Variants in KIF26B observed in about 807,000 individuals in gnomAD.
KIF26B encodes the protein kinesin-like protein KIF26B.
KIF26B carries 63 observed loss-of-function variants against 151.2 expected under a neutral mutation model. That is an observed-to-expected ratio of 0.42 (90% CI 0.34 to 0.51). KIF26B has a LOEUF of 0.51. Ranked by LOEUF, KIF26B falls within the 20% of genes least tolerant of loss-of-function variation. The pLI is 0.07. For missense variants in KIF26B, 2,813 were observed against 2,913.6 expected (o/e 0.97, Z 0.79); for synonymous variants, 1,357 against 1,262.1 (o/e 1.08, Z -1.59).
intron 2 of KIF26B, among the ~76,000 whole-genome samples, chr1:245,220,501 G>A (rs1418639304): frequency 6.6e-6 from 1 of 152,088 alleles, no homozygotes; most frequent in Non-Finnish European, 1.5e-5. Flanking sequence ...TCTTGCTTTG[G>A]GTTTGGGAAG....
intron 2 of KIF26B, among the ~76,000 whole-genome samples, chr1:245,177,890 C>A (rs1015019631): frequency 1.3e-5 from 2 of 151,926 alleles, no homozygotes; most frequent in East Asian, 3.9e-4. Flanking sequence ...ACTCAGTCAG[C>A]GGGGATTAGG....
At chr1:245,672,372 C>G (rs2044298972) in intron 10 of KIF26B, among the ~76,000 whole-genome samples, 1 of 152,208 alleles carries the variant, frequency 6.6e-6, no homozygotes, top group Non-Finnish European at 1.5e-5. Flanking sequence ...GGCACAGGGA[C>G]AGACGTGCGC....
At chr1:245,200,323 A>G (rs181721181) in intron 2 of KIF26B, among the ~76,000 whole-genome samples, 1 of 152,346 alleles carries the variant, frequency 6.6e-6, no homozygotes, top group East Asian at 1.9e-4. Context: ...AGTCTGGTTC[A>G]TCTTGTCTAG....
At chr1:245,625,154 A>G (rs954352115) in intron 9 of KIF26B, among the ~76,000 whole-genome samples, 1 of 152,116 alleles carries the variant, frequency 6.6e-6, no homozygotes, top group African/African-American at 2.4e-5. Context: ...CACTGTTTTG[A>G]TTATGGTGGA....
At chr1:245,413,631 C>G (rs191659992) in intron 3 of KIF26B, among the ~76,000 whole-genome samples, 2 of 152,166 alleles carry the variant, frequency 1.3e-5, no homozygotes, top group African/African-American at 4.8e-5. Flanking sequence ...CCACTGCACT[C>G]CAGCCTGGGT....
At chr1:245,307,240 G>A (rs1464508530) in intron 2 of KIF26B, among the ~76,000 whole-genome samples, 1 of 152,180 alleles carries the variant, frequency 6.6e-6, no homozygotes, top group South Asian at 2.1e-4. Flanking sequence ...TTTCATAGTT[G>A]TAAACAAAAC....
At chr1:245,333,862 GT>G (rs2102992423) in intron 2 of KIF26B, among the ~76,000 whole-genome samples, 1 of 152,306 alleles carries the variant, frequency 6.6e-6, no homozygotes, top group African/African-American at 2.4e-5. Context: ...GCCAGGCATG[GT>G]GGTGGGCGCC....
chr1:245,447,334 A>G (rs1170998918), intron 4 of KIF26B, among the ~76,000 whole-genome samples: 1 of 152,226 alleles, frequency 6.6e-6, no homozygotes, highest in African/African-American at 2.4e-5. Context: ...CATATCTACA[A>G]AGTGCATAGG....
intron 2 of KIF26B, among the ~76,000 whole-genome samples, chr1:245,279,119 C>T (rs1222476805): frequency 6.6e-6 from 1 of 152,060 alleles, no homozygotes; most frequent in Non-Finnish European, 1.5e-5. Context: ...CCACTGTTCC[C>T]ATGCATGGAA....
chr1:245,243,443 T>TACAC (rs67823049), intron 2 of KIF26B, among the ~76,000 whole-genome samples: 103,664 of 143,032 alleles, frequency 0.72, 37,305 homozygotes, highest in Non-Finnish European at 0.77. Context: ...TACATATATA[T>TACAC]ATATACACAC....
chr1:245,680,570 A>G (rs12758944), intron 10 of KIF26B, among the ~76,000 whole-genome samples: 5 of 151,808 alleles, frequency 3.3e-5, no homozygotes, highest in Non-Finnish European at 7.4e-5. Flanking sequence ...TTCTCTCTCA[A>G]TTCTGTCTTT....
chr1:245,442,328 G>T lies in KIF26B; in HGVS notation c.1166+22583G>T, dbSNP rs115010678. Among the ~76,000 whole-genome samples, 605 of 152,260 alleles carry T rather than the reference G, an allele frequency of 4.0e-3. 5 individuals are homozygous for T. The highest frequency in any genetic ancestry group is 0.013 in the African/African-American group (540 of 41,550). On this transcript the variant is annotated intron_variant, in intron 4 of 14. Coordinates refer to ENST00000407071, the MANE Select transcript of KIF26B (RefSeq NM_018012.4). Reference sequence around the variant, plus strand: ...TGCATCTTCTTATACCGGGTGTTCAGGCACATGTGTGTTGAGAAGGGATGC... The same window carrying T: ...TGCATCTTCTTATACCGGGTGTTCATGCACATGTGTGTTGAGAAGGGATGC...
intron 2 of KIF26B, among the ~76,000 whole-genome samples, chr1:245,334,351 T>C (rs116077169): frequency 0.011 from 1,671 of 152,366 alleles, 19 homozygotes; most frequent in Non-Finnish European, 0.017. Flanking sequence ...ACTAACTCTG[T>C]TCAGTCCTTG....
chr1:245,395,218 A>G (rs1347886997), intron 3 of KIF26B, among the ~76,000 whole-genome samples: 1 of 152,210 alleles, frequency 6.6e-6, no homozygotes, highest in Non-Finnish European at 1.5e-5. Context: ...TGTTGAAAAT[A>G]AACTCACTAT....
At chr1:245,269,832 TATCCACTC>T (rs1466227080) in intron 2 of KIF26B, among the ~76,000 whole-genome samples, 1 of 152,178 alleles carries the variant, frequency 6.6e-6, no homozygotes, top group Non-Finnish European at 1.5e-5. Context: ...ACATTTTCTT[TATCCACTC>T]ATCCATCAGT....
intron 2 of KIF26B, among the ~76,000 whole-genome samples, chr1:245,355,595 C>CAA (rs34799952): frequency 3.2e-4 from 24 of 74,832 alleles, no homozygotes; most frequent in Admixed American, 6.7e-4. Context: ...GACCCTGTCT[C>CAA]AAAAAAAAAA....
intron 2 of KIF26B, among the ~76,000 whole-genome samples, chr1:245,171,863 G>A (rs564465976): frequency 2.2e-4 from 33 of 152,198 alleles, no homozygotes; most frequent in South Asian, 1.0e-3. Flanking sequence ...TGGTTTCCTC[G>A]CTTGCACGAT....
chr1:245,383,209 T>G (rs1469074804), intron 3 of KIF26B, among the ~76,000 whole-genome samples: 1 of 151,918 alleles, frequency 6.6e-6, no homozygotes, highest in Non-Finnish European at 1.5e-5. Flanking sequence ...AACATGCCCC[T>G]GAAAAACAGC....
At chr1:245,485,522 T>C (rs996473360) in intron 4 of KIF26B, among the ~76,000 whole-genome samples, 10 of 152,028 alleles carry the variant, frequency 6.6e-5, no homozygotes, top group African/African-American at 2.4e-4. Flanking sequence ...TACCTGGGAT[T>C]ACAGGCGCCT....
Sources: gnomAD v4.1 joint callset for allele counts (sites outside exome capture counted in the v4.1 genomes callset) on GRCh38, gnomAD v4.1.1 for gene constraint, MANE v1.5 for transcripts, NCBI Gene and HGNC (gene_info 2026-07-23, HGNC 2026-07-21) for gene names.